IL1RAPL1: variants seen among roughly 807,000 people sequenced by gnomAD.
The protein encoded by IL1RAPL1 is interleukin-1 receptor accessory protein-like 1.
A neutral mutation model predicts 48.4 loss-of-function variants in IL1RAPL1; 3 were observed. The ratio of observed to expected loss-of-function variants is 0.06; its 90% CI spans 0.03 to 0.16. The LOEUF (loss-of-function observed/expected upper bound fraction) is 0.16. Ranked by LOEUF, IL1RAPL1 falls within the 10% of genes least tolerant of loss-of-function variation. The pLI is 1.00. For synonymous variants in IL1RAPL1, 185 were observed against 187.7 expected (o/e 0.99, Z 0.12); for missense variants, 349 against 530.6 (o/e 0.66, Z 3.36).
chrX:28,724,289 G>T (rs1935633746), intron 1 of IL1RAPL1, among the ~76,000 whole-genome samples: 1 of 111,627 alleles, frequency 9.0e-6, no homozygotes, highest in Non-Finnish European at 1.9e-5. Context: ...TGTATTGGGT[G>T]CATATATATT....
rs748940855 is a variant in IL1RAPL1 at position 29,821,944 on chromosome X, C to T, written c.779-95520C>T. 2.7e-5 allele frequency among the ~76,000 whole-genome samples: 3 copies of T among 111,866 alleles called. No homozygotes were observed. The South Asian group carries it at 1.1e-3, about 42-fold the overall frequency. On this transcript the variant is annotated intron_variant, in intron 6 of 10. Coordinates refer to ENST00000378993, the MANE Select transcript of IL1RAPL1 (RefSeq NM_014271.4). The stretch of plus-strand genomic sequence containing the variant: ...GTATTTTGTACATTTGTTGAATATG[C>T]CACCCAGTCTTCCACAATGTGGGAG...
chrX:29,570,950 G>A (rs764135659), intron 5 of IL1RAPL1, among the ~76,000 whole-genome samples: 2 of 112,458 alleles, frequency 1.8e-5, no homozygotes, highest in African/African-American at 3.2e-5. Flanking sequence ...AGCCAGGCGC[G>A]GTGGCTCACG....
At chrX:29,689,534 G>A (rs1027841256) in intron 6 of IL1RAPL1, among the ~76,000 whole-genome samples, 2 of 112,598 alleles carry the variant, frequency 1.8e-5, no homozygotes, top group Admixed American at 1.9e-4. Flanking sequence ...TAGGGATGAA[G>A]AGCTTATTTC....
At position 29,727,998 on chromosome X, in the gene IL1RAPL1, C is replaced by T. The variant is rs188030418; in HGVS notation, c.778+59494C>T. ...TGTTGCCCAGGCTGGAGTGCAGTGG[C>T]GCGATCTCGGCTCACTGCAAGCTCC... On this transcript the variant is annotated intron_variant, in intron 6 of 10. Coordinates refer to ENST00000378993, the MANE Select transcript of IL1RAPL1 (RefSeq NM_014271.4). Among the ~76,000 whole-genome samples the T allele has an allele frequency of 3.4e-3, 376 of 110,798 alleles. 1 individual carries two copies. Among genetic ancestry groups the T allele is most frequent in the Middle Eastern group, 9.3e-3 (2 of 214 alleles).
At chrX:29,947,752 G>GTT (rs367605832) in intron 9 of IL1RAPL1, among the ~76,000 whole-genome samples, 23 of 54,154 alleles carry the variant, frequency 4.2e-4, no homozygotes, top group African/African-American at 1.0e-3. Context: ...TTTTTTTGGT[G>GTT]TTTTTTTTTT....
chrX:28,807,015 G>A (rs1038251799), intron 2 of IL1RAPL1, among the ~76,000 whole-genome samples: 3 of 111,289 alleles, frequency 2.7e-5, no homozygotes, highest in African/African-American at 9.8e-5. Context: ...ATCTACAGAA[G>A]CTAATTGGAG....
In IL1RAPL1 at chrX:29,806,914, C is replaced by A. The variant is rs1279733730; in HGVS notation, c.779-110550C>A. ...TACAAGTGTGTGGCACCTCCTCCTG[C>A]ACTTACTCTTCCTCCTGCTCTGACC... On this transcript the variant is annotated intron_variant, in intron 6 of 10. Transcript: ENST00000378993. 2.7e-5 allele frequency among the ~76,000 whole-genome samples: 3 copies of A among 110,131 alleles called. No homozygotes were observed. The East Asian group carries it at 8.6e-4, about 32-fold the overall frequency.
At chrX:28,893,640 A>G (rs1922830921) in intron 2 of IL1RAPL1, among the ~76,000 whole-genome samples, 1 of 110,852 alleles carries the variant, frequency 9.0e-6, no homozygotes, top group African/African-American at 3.3e-5. Flanking sequence ...GGAAGGGAGG[A>G]GGCCTGAATA....
intron 5 of IL1RAPL1, among the ~76,000 whole-genome samples, chrX:29,424,244 A>G (rs746189177): frequency 2.7e-5 from 3 of 110,385 alleles, no homozygotes; most frequent in Non-Finnish European, 5.7e-5. Context: ...TACTCTAACT[A>G]TAAGATCTAC....
At chrX:28,999,475 T>A (rs1378040026) in intron 2 of IL1RAPL1, among the ~76,000 whole-genome samples, 1 of 111,694 alleles carries the variant, frequency 9.0e-6, no homozygotes, top group Non-Finnish European at 1.9e-5. Context: ...CTTTTTGAGG[T>A]AATACAACCT....
Position 29,917,483 on chromosome X carries a change from C to A in IL1RAPL1, c.798C>A (p.Thr266=). ...CTGCAGGTGACTCTGCTAATCTAACCTGCAGAGCTTTCTTTGGGTACAGCG... is the reference window on the plus strand; with the variant it reads ...CTGCAGGTGACTCTGCTAATCTAACATGCAGAGCTTTCTTTGGGTACAGCG... ...ETQLGDSANL[T]CRAFFGYSGD... is the part of the protein sequence containing the mutation. The change falls in exon 7 of 11, where the codon ACC becomes ACA. Residue 266 remains threonine, a synonymous_variant. Transcript: ENST00000378993. 8.3e-7 allele frequency: 1 copy of A among 1,208,798 alleles called. No individual in the cohort carries two copies. Among genetic ancestry groups the A allele is most frequent in the Non-Finnish European group, 1.1e-6 (1 of 892,842 alleles).
At chrX:29,121,904 A>T (rs1389991257) in intron 2 of IL1RAPL1, among the ~76,000 whole-genome samples, 4 of 111,968 alleles carry the variant, frequency 3.6e-5, no homozygotes, top group Non-Finnish European at 7.5e-5. Flanking sequence ...ATAACACTTG[A>T]TATTTGCCAG....
At chrX:29,892,705 C>T (rs113490515) in intron 6 of IL1RAPL1, among the ~76,000 whole-genome samples, 2,470 of 111,587 alleles carry the variant, frequency 0.022, 29 homozygotes, top group Middle Eastern at 0.037. Flanking sequence ...CAGCTTAGAG[C>T]GAGGATTGGA....
intron 2 of IL1RAPL1, among the ~76,000 whole-genome samples, chrX:28,965,411 A>G (rs1411872909): frequency 9.0e-6 from 1 of 111,423 alleles, no homozygotes; most frequent in Non-Finnish European, 1.9e-5. Context: ...AACAACATTA[A>G]AGGTCTGAAA....
chrX:29,074,442 A>T (rs1927628289), intron 2 of IL1RAPL1, among the ~76,000 whole-genome samples: 1 of 111,744 alleles, frequency 8.9e-6, no homozygotes, highest in Non-Finnish European at 1.9e-5. Context: ...GTATTTGTCC[A>T]CGGTTATTAT....
intron 5 of IL1RAPL1, among the ~76,000 whole-genome samples, chrX:29,593,376 C>T (rs1923444017): frequency 8.9e-6 from 1 of 111,892 alleles, no homozygotes; most frequent in Non-Finnish European, 1.9e-5. Flanking sequence ...TAGAAGGAAG[C>T]CTTGACTTTC....
intron 3 of IL1RAPL1, among the ~76,000 whole-genome samples, chrX:29,323,254 A>G (rs1932815809): frequency 1.8e-5 from 2 of 111,175 alleles, no homozygotes; most frequent in Non-Finnish European, 3.8e-5. Context: ...TCAATTCTCT[A>G]TCTCCATGGC....
At chrX:29,381,833 AATATAT>A (rs35091339) in intron 3 of IL1RAPL1, among the ~76,000 whole-genome samples, 771 of 25,346 alleles carry the variant, frequency 0.03, 14 homozygotes, top group African/African-American at 0.082. Context: ...AAAAAAAAAA[AATATAT>A]ATATATATAT....
chrX:29,913,837 G>T (rs1014832707), intron 6 of IL1RAPL1, among the ~76,000 whole-genome samples: 1 of 111,096 alleles, frequency 9.0e-6, no homozygotes, highest in Non-Finnish European at 1.9e-5. Flanking sequence ...ATAGAACAGC[G>T]CTGCTCCTGC....
Sources: gnomAD v4.1 joint callset for allele counts (sites outside exome capture counted in the v4.1 genomes callset) on GRCh38, gnomAD v4.1.1 for gene constraint, MANE v1.5 for transcripts, NCBI Gene and HGNC (gene_info 2026-07-23, HGNC 2026-07-21) for gene names.